FGF10: variants seen among roughly 807,000 people sequenced by gnomAD.
FGF10 encodes the protein fibroblast growth factor 10, also known as FGF-10.
Under a neutral mutation model 19.8 loss-of-function variants are expected in FGF10, and 2 were observed. The ratio of observed to expected loss-of-function variants is 0.10; its 90% CI spans 0.04 to 0.32. FGF10 has a LOEUF of 0.32. Among genes scored for constraint, FGF10 ranks in the 10% least tolerant of loss-of-function variants. The pLI, the probability that FGF10 is intolerant of heterozygous loss-of-function variation, is 1.00. For synonymous variants in FGF10, 112 were observed against 94.0 expected, an observed-to-expected ratio of 1.19 and a Z score of -1.10; for missense variants, 191 against 246.3, an observed-to-expected ratio of 0.78 and a Z score of 1.50.
intron 2 of FGF10, among the ~76,000 whole-genome samples, chr5:44,308,147 T>C (rs1740125808): frequency 6.6e-6 from 1 of 152,188 alleles, no homozygotes; most frequent in Non-Finnish European, 1.5e-5. Flanking sequence ...GACTCTACTT[T>C]AAATAAAGAA....
chr5:44,355,856 T>C (rs969315952), intron 1 of FGF10, among the ~76,000 whole-genome samples: 1 of 151,440 alleles, frequency 6.6e-6, no homozygotes. Context: ...AGTGGTACTG[T>C]GGGTCAAATG....
Position 44,300,668 on chromosome 5 carries a change from A to G in FGF10, c.*4327T>C, listed in dbSNP as rs1315911219. ...TGTTTTTATGTCACAGCTTCATTTAATAAGATGTAGCAAACAACCATTTGG... is the reference window on the plus strand; with the variant it reads ...TGTTTTTATGTCACAGCTTCATTTAGTAAGATGTAGCAAACAACCATTTGG... On this transcript the variant is annotated 3_prime_UTR_variant, in exon 3 of 3. Transcript: ENST00000264664. 6.6e-6 allele frequency among the ~76,000 whole-genome samples: 1 copy of G among 152,160 alleles called. No individual in the cohort carries two copies. Among genetic ancestry groups the G allele is most frequent in the Non-Finnish European group, 1.5e-5 (1 of 68,014 alleles).
At chr5:44,329,624 A>G (rs532264452) in intron 1 of FGF10, among the ~76,000 whole-genome samples, 6 of 152,326 alleles carry the variant, frequency 3.9e-5, no homozygotes, top group African/African-American at 1.4e-4. Flanking sequence ...TAAATGAAAA[A>G]AAATCACAAA....
intron 1 of FGF10, among the ~76,000 whole-genome samples, chr5:44,339,640 T>A (rs958985663): frequency 6.6e-6 from 1 of 152,140 alleles, no homozygotes; most frequent in Non-Finnish European, 1.5e-5. Flanking sequence ...TTTTCCACTT[T>A]GCAATTCTTT....
chr5:44,315,712 A>G (rs1044810937), intron 1 of FGF10, among the ~76,000 whole-genome samples: 1 of 152,106 alleles, frequency 6.6e-6, no homozygotes, highest in African/African-American at 2.4e-5. Flanking sequence ...AACCTCTCTA[A>G]ATGAAACCTC....
chr5:44,376,503 A>AC, intron 1 of FGF10, among the ~76,000 whole-genome samples: 1 of 132,162 alleles, frequency 7.6e-6, no homozygotes, highest in East Asian at 2.1e-4. Flanking sequence ...AAAAAAAAAA[A>AC]AAAAAAAAAA....
chr5:44,347,423 C>T (rs1741113560), intron 1 of FGF10, among the ~76,000 whole-genome samples: 1 of 151,696 alleles, frequency 6.6e-6, no homozygotes, highest in South Asian at 2.1e-4. Context: ...GCTCTGCCCA[C>T]CTCATATTTT....
intron 1 of FGF10, among the ~76,000 whole-genome samples, chr5:44,319,925 G>A (rs570641775): frequency 2.0e-5 from 3 of 152,148 alleles, no homozygotes; most frequent in Non-Finnish European, 4.4e-5. Flanking sequence ...CCGGTGGTGA[G>A]TGAGTGAAGC....
At chr5:44,350,106 G>A (rs1337668384) in intron 1 of FGF10, among the ~76,000 whole-genome samples, 2 of 150,716 alleles carry the variant, frequency 1.3e-5, no homozygotes, top group East Asian at 2.0e-4. Flanking sequence ...CAAAAACTGA[G>A]ATAATAAGAA....
intron 2 of FGF10, among the ~76,000 whole-genome samples, 193 bp downstream of exon 2, chr5:44,310,234 G>A (rs1740179079): frequency 6.6e-6 from 1 of 152,102 alleles, no homozygotes; most frequent in Non-Finnish European, 1.5e-5. Context: ...AGACTAATGG[G>A]TGAACAACAG....
chr5:44,346,655 T>C (rs1741096744), intron 1 of FGF10, among the ~76,000 whole-genome samples: 1 of 151,868 alleles, frequency 6.6e-6, no homozygotes, highest in Non-Finnish European at 1.5e-5. Context: ...CTACACTTTG[T>C]CATTCAGGTC....
At chr5:44,309,729 C>T (rs17228130) in intron 2 of FGF10, among the ~76,000 whole-genome samples, 24,668 of 151,946 alleles carry the variant, frequency 0.16, 2,560 homozygotes, top group Admixed American at 0.29. Context: ...TCTTAAATTT[C>T]TAAGAAATTG....
rs561061847 is a variant in FGF10 at position 44,304,934 on chromosome 5, T to G, written c.*61A>C. ...TTCAATCTACTGTCTTCATGAAGAATATCCACTATTCTTGGCAAAAGAGCC... is the reference window on the plus strand; with the variant it reads ...TTCAATCTACTGTCTTCATGAAGAAGATCCACTATTCTTGGCAAAAGAGCC... On this transcript the variant is annotated 3_prime_UTR_variant, in exon 3 of 3. Transcript: ENST00000264664. The G allele has an allele frequency of 6.8e-7, 1 of 1,480,828 alleles. No homozygotes were observed. The highest frequency in any genetic ancestry group is 2.3e-5 in the East Asian group (1 of 44,230). The allele number at this position is 1,480,828 out of a possible 1,614,324, so 91.7% of individuals were successfully genotyped here. A position where few individuals can be genotyped will look rare whatever the true frequency, so the allele number is the denominator to read the frequency against.
At chr5:44,312,850 C>T (rs976512625) in intron 1 of FGF10, among the ~76,000 whole-genome samples, 1 of 152,014 alleles carries the variant, frequency 6.6e-6, no homozygotes, top group African/African-American at 2.4e-5. Context: ...GTGCATGCAA[C>T]GTCCTGGGAT....
At chr5:44,333,532 A>G (rs1475731709) in intron 1 of FGF10, among the ~76,000 whole-genome samples, 1 of 152,158 alleles carries the variant, frequency 6.6e-6, no homozygotes, top group African/African-American at 2.4e-5. Context: ...CCTTGACCCT[A>G]TGCTAAGCAA....
At chr5:44,372,687 T>A (rs1467297792) in intron 1 of FGF10, among the ~76,000 whole-genome samples, 1 of 152,126 alleles carries the variant, frequency 6.6e-6, no homozygotes, top group African/African-American at 2.4e-5. Flanking sequence ...ACTGAGTCCA[T>A]AAAACTAGAA....
chr5:44,377,888 T>A (rs997777053), intron 1 of FGF10, among the ~76,000 whole-genome samples: 3 of 152,228 alleles, frequency 2.0e-5, no homozygotes, highest in Non-Finnish European at 4.4e-5. Context: ...TCCATATACA[T>A]TGAACCATCA....
intron 1 of FGF10, among the ~76,000 whole-genome samples, chr5:44,342,313 A>G (rs1214732604): frequency 6.6e-6 from 1 of 151,980 alleles, no homozygotes; most frequent in Admixed American, 6.6e-5. Context: ...TACTTCAGTC[A>G]TTGAAATTCA....
chr5:44,363,184 A>G (rs1741529826), intron 1 of FGF10, among the ~76,000 whole-genome samples: 1 of 151,756 alleles, frequency 6.6e-6, no homozygotes, highest in East Asian at 1.9e-4. Flanking sequence ...AGACCTCTAA[A>G]TTTCCTTCAC....
Sources: allele counts gnomAD v4.1 joint callset (sites outside exome capture counted in the v4.1 genomes callset), GRCh38; gene constraint gnomAD v4.1.1; transcripts MANE v1.5; gene names NCBI Gene and HGNC (gene_info 2026-07-23, HGNC 2026-07-21).